The following VPS41 variants were observed in gnomAD, a reference collection of about 807,000 sequenced individuals.
The protein encoded by VPS41 is vacuolar protein sorting-associated protein 41 homolog.
VPS41 carries 85 observed loss-of-function variants against 130.9 expected under a neutral mutation model. That is an observed-to-expected ratio of 0.65 (90% CI 0.55 to 0.78). The LOEUF (loss-of-function observed/expected upper bound fraction) is 0.78. Among genes scored for constraint, VPS41 ranks in the 30% least tolerant of loss-of-function variants. The pLI is 0.00. For missense variants in VPS41, 874 were observed against 1,018.7 expected (o/e 0.86, Z 1.93); for synonymous variants, 335 against 332.9 (o/e 1.01, Z -0.07).
chr7:38,758,517 T>C (rs1305931131), intron 17 of VPS41, 36 bp from the exon 18 acceptor site: 2 of 1,593,328 alleles, frequency 1.3e-6, no homozygotes, highest in South Asian at 1.1e-5. Context: ...AGAACACTCA[T>C]TCAACAGAAT....
chr7:38,778,168 T>C (rs1436720427), intron 10 of VPS41, among the ~76,000 whole-genome samples: 2 of 152,244 alleles, frequency 1.3e-5, no homozygotes, highest in African/African-American at 2.4e-5. Flanking sequence ...CAAGGGCAAG[T>C]GCTCTGGTCC....
At chr7:38,840,958 C>G (rs1584422016) in intron 4 of VPS41, among the ~76,000 whole-genome samples, 2 of 152,286 alleles carry the variant, frequency 1.3e-5, no homozygotes, top group East Asian at 3.9e-4. Flanking sequence ...TCTCAGGTGA[C>G]CTAGCTCTCC....
chr7:38,737,666 G>A (rs540496260), intron 25 of VPS41, among the ~76,000 whole-genome samples: 1 of 152,146 alleles, frequency 6.6e-6, no homozygotes, highest in Admixed American at 6.5e-5. Flanking sequence ...ATTCTGCCAA[G>A]TGTAAAAGGA....
intron 7 of VPS41, among the ~76,000 whole-genome samples, chr7:38,801,742 T>G (rs1048143111): frequency 6.6e-6 from 1 of 152,214 alleles, no homozygotes; most frequent in African/African-American, 2.4e-5. Flanking sequence ...AAGGATCATA[T>G]CTTATACTTT....
intron 18 of VPS41, among the ~76,000 whole-genome samples, chr7:38,757,789 G>C (rs1783830946): frequency 6.6e-6 from 1 of 152,120 alleles, no homozygotes; most frequent in African/African-American, 2.4e-5. Flanking sequence ...TGTTTCCCTA[G>C]ATCGAAGTAC....
intron 4 of VPS41, among the ~76,000 whole-genome samples, chr7:38,855,385 A>G (rs1483421546): frequency 6.6e-6 from 1 of 152,178 alleles, no homozygotes; most frequent in African/African-American, 2.4e-5. Context: ...ACACTCATAC[A>G]TCAATCCAAA....
In VPS41 at chr7:38,902,809, C is replaced by T. The variant is rs1398457127; in HGVS notation, c.22-4680G>A. On this transcript the variant is annotated intron_variant, in intron 1 of 28. Coordinates refer to ENST00000310301, the MANE Select transcript of VPS41 (RefSeq NM_014396.4). Reference sequence around the variant, plus strand: ...CAGGGAGAGGTTGCCAGGCACTCAGCCTGAGGACATTCACTCTCTCTTCAA... The same window carrying T: ...CAGGGAGAGGTTGCCAGGCACTCAGTCTGAGGACATTCACTCTCTCTTCAA... Among the ~76,000 whole-genome samples, 3 of 152,188 alleles carry T rather than the reference C, an allele frequency of 2.0e-5. 1 individual carries two copies. The highest frequency in any genetic ancestry group is 4.1e-4 in the South Asian group (2 of 4,830).
chr7:38,804,806 C>T lies in VPS41; in HGVS notation c.451-7942G>A, dbSNP rs900404345. Among the ~76,000 whole-genome samples the T allele has an allele frequency of 2.0e-5, 3 of 152,214 alleles. No homozygotes were observed. In the East Asian group the frequency reaches 5.8e-4, roughly 29 times the overall value. On this transcript the variant is annotated intron_variant, in intron 7 of 28. Coordinates refer to ENST00000310301, the MANE Select transcript of VPS41 (RefSeq NM_014396.4). ...TCTGCAATTGCTGCAAATGCAAGCA[C>T]ATAATTACAAGTGCGATTTCAGAAA...
intron 4 of VPS41, chr7:38,831,319 T>C (rs1036482393): frequency 6.8e-6 from 3 of 443,008 alleles, no homozygotes; most frequent in Non-Finnish European, 1.4e-5. Context: ...ACTGTCCACA[T>C]GCAGCCTTTA....
chr7:38,731,015 T>C (rs765215250), intron 25 of VPS41, among the ~76,000 whole-genome samples: 1 of 152,176 alleles, frequency 6.6e-6, no homozygotes, highest in Admixed American at 6.5e-5. Context: ...TCTAGGAAAA[T>C]TCATTATTCA....
At chr7:38,883,392 C>T (rs1187558559) in intron 2 of VPS41, among the ~76,000 whole-genome samples, 1 of 152,178 alleles carries the variant, frequency 6.6e-6, no homozygotes, top group African/African-American at 2.4e-5. Context: ...CATGACCCTA[C>T]CTCTGGGCAC....
chr7:38,770,332 T>C (rs1784131891), intron 14 of VPS41, among the ~76,000 whole-genome samples: 3 of 151,162 alleles, frequency 2.0e-5, no homozygotes, highest in Admixed American at 2.0e-4. Context: ...GTGGCACCTC[T>C]CTGCCTCTTC....
In VPS41 at chr7:38,747,328, T is replaced by C. The variant is rs1407509063; in HGVS notation, c.1927-1715A>G. Among the ~76,000 whole-genome samples, 7 of 152,258 alleles carry C rather than the reference T, an allele frequency of 4.6e-5. No homozygotes were observed. In the East Asian group the frequency reaches 1.4e-3, roughly 29 times the overall value. ...GCCAACTGAGTGCCTAGATTTGTTCTGGGTGTTAAGATACAGATAGTTTAT... is the reference window on the plus strand; with the variant it reads ...GCCAACTGAGTGCCTAGATTTGTTCCGGGTGTTAAGATACAGATAGTTTAT... On this transcript the variant is annotated intron_variant, in intron 22 of 28. Transcript: ENST00000310301.
At chr7:38,860,642 TG>T (rs1246849872) in intron 4 of VPS41, among the ~76,000 whole-genome samples, 1 of 152,004 alleles carries the variant, frequency 6.6e-6, no homozygotes, top group Non-Finnish European at 1.5e-5. Context: ...ATTCTACTAT[TG>T]ACGGACATTT....
intron 2 of VPS41, among the ~76,000 whole-genome samples, chr7:38,887,605 T>G (rs1169636000): frequency 6.6e-6 from 1 of 152,144 alleles, no homozygotes; most frequent in Non-Finnish European, 1.5e-5. Context: ...AAAACACTCT[T>G]CAGGGTATTA....
chr7:38,787,959 A>C (rs1386609809), intron 10 of VPS41, among the ~76,000 whole-genome samples: 2 of 152,220 alleles, frequency 1.3e-5, no homozygotes, highest in African/African-American at 4.8e-5. Context: ...ATTACAGTAC[A>C]GATGAACCAC....
At chr7:38,904,717 T>A (rs2116461949) in intron 1 of VPS41, among the ~76,000 whole-genome samples, 1 of 152,330 alleles carries the variant, frequency 6.6e-6, no homozygotes, top group East Asian at 1.9e-4. Context: ...TTGATTTGAT[T>A]TTTATTGTAA....
chr7:38,864,711 C>T (rs1203232397), intron 3 of VPS41, among the ~76,000 whole-genome samples: 2 of 151,538 alleles, frequency 1.3e-5, no homozygotes, highest in Admixed American at 1.3e-4. Context: ...AAATTTTACC[C>T]ACCTTCCAGC....
intron 7 of VPS41, among the ~76,000 whole-genome samples, chr7:38,802,702 C>A (rs911421303): frequency 2.6e-5 from 4 of 152,182 alleles, no homozygotes; most frequent in African/African-American, 9.7e-5. Flanking sequence ...TCAAAACTAC[C>A]TGCCTGTACT....
Sources: allele counts gnomAD v4.1 joint callset (sites outside exome capture counted in the v4.1 genomes callset), GRCh38; gene constraint gnomAD v4.1.1; transcripts MANE v1.5; gene names NCBI Gene and HGNC (gene_info 2026-07-23, HGNC 2026-07-21).